INPP5F: variants seen among roughly 807,000 people sequenced by gnomAD.
INPP5F encodes inositol polyphosphate-5-phosphatase F, also known as phosphatidylinositide 4-phosphatase SAC2.
In INPP5F, 97 loss-of-function variants were observed where a neutral mutation model predicts 137.2. The observed-to-expected ratio is 0.71, with a 90% confidence interval of 0.60 to 0.84. INPP5F has a LOEUF of 0.84. INPP5F is among the 40% of genes least tolerant of loss of function. The pLI is 0.00. For missense variants in INPP5F, 1,271 were observed against 1,371.9 expected, an observed-to-expected ratio of 0.93 and a Z score of 1.16; for synonymous variants, 504 against 476.9, an observed-to-expected ratio of 1.06 and a Z score of -0.74.
At chr10:119,745,280 C>T (rs1360157572) in intron 1 of INPP5F, among the ~76,000 whole-genome samples, 1 of 151,958 alleles carries the variant, frequency 6.6e-6, no homozygotes, top group Non-Finnish European at 1.5e-5. Context: ...GATTCTTCAC[C>T]CACTACCAGC....
intron 13 of INPP5F, among the ~76,000 whole-genome samples, chr10:119,809,486 C>T (rs1589741380): frequency 6.6e-6 from 1 of 152,280 alleles, no homozygotes; most frequent in Admixed American, 6.5e-5. Flanking sequence ...AAAGAGACTA[C>T]ACCTTCCTTG....
chr10:119,761,157 T>C (rs1430021547), intron 2 of INPP5F, among the ~76,000 whole-genome samples: 2 of 152,226 alleles, frequency 1.3e-5, no homozygotes, highest in Non-Finnish European at 2.9e-5. Context: ...AACTACAGTC[T>C]TAAGCTTTAC....
rs373750639 is a variant in INPP5F at position 119,808,730 on chromosome 10, C to T, written c.1569+670C>T. 2.9e-4 allele frequency among the ~76,000 whole-genome samples: 44 copies of T among 152,170 alleles called. No homozygotes were observed. In the East Asian group the frequency reaches 4.1e-3, roughly 14 times the overall value. ...GTAAATAAATTACTCAGTCTGAGGG[C>T]GTTGTCCTCTGTGGCAGTAGGAAGT... On this transcript the variant is annotated intron_variant, in intron 13 of 19. Transcript: ENST00000650623.
intron 1 of INPP5F, among the ~76,000 whole-genome samples, chr10:119,746,222 C>CT (rs1199382368): frequency 6.6e-6 from 1 of 152,172 alleles, no homozygotes; most frequent in Non-Finnish European, 1.5e-5. Flanking sequence ...AAATCTTGTA[C>CT]TTTTTTGTCT....
At chr10:119,751,255 T>G (rs1848682578) in intron 2 of INPP5F, 99 bp downstream of exon 2, 1 of 785,306 alleles carries the variant, frequency 1.3e-6, no homozygotes, top group Non-Finnish European at 2.2e-6. Flanking sequence ...TAGCTTTGAT[T>G]CCTTTGTTTT....
In INPP5F at chr10:119,806,379, A is replaced by G. The variant is rs1850786908; in HGVS notation, c.1339A>G (p.Ile447Val). 4.4e-6 allele frequency: 7 copies of G among 1,583,334 alleles called. No homozygotes were observed. Among genetic ancestry groups the G allele is most frequent in the Non-Finnish European group, 6.0e-6 (7 of 1,162,520 alleles). ...KWCWVDEAGV[I>V]CKQEGIFRVN... is the part of the protein sequence containing the mutation. ...AAAAAGGGTTGATGAAGCTGGGGTAATATGTAAGCAGGAAGGGATTTTTCG... is the reference window on the plus strand; with the variant it reads ...AAAAAGGGTTGATGAAGCTGGGGTAGTATGTAAGCAGGAAGGGATTTTTCG... The change falls in exon 12 of 20, where the codon ATA becomes GTA. Residue 447 changes from isoleucine to valine, a missense_variant. By Grantham distance (29) the Ile-to-Val change is conservative. This residue lies in a region of INPP5F where 593 missense variants were observed against 712.4 expected (regional missense o/e 0.83). Coordinates refer to ENST00000650623, the MANE Select transcript of INPP5F (RefSeq NM_014937.4).
chr10:119,728,256 T>G (rs1005610998), intron 1 of INPP5F, among the ~76,000 whole-genome samples: 12 of 152,230 alleles, frequency 7.9e-5, no homozygotes, highest in African/African-American at 2.9e-4. Flanking sequence ...TAACAGCCAG[T>G]TTTGATCTTA....
chr10:119,784,153 C>T (rs1849799016), intron 3 of INPP5F, among the ~76,000 whole-genome samples: 1 of 152,128 alleles, frequency 6.6e-6, no homozygotes, highest in South Asian at 2.1e-4. Context: ...TTTCAATTTC[C>T]ATATAACTCA....
chr10:119,730,166 A>G (rs1026835311), intron 1 of INPP5F, among the ~76,000 whole-genome samples: 11 of 151,490 alleles, frequency 7.3e-5, no homozygotes, highest in Non-Finnish European at 1.2e-4. Context: ...CTGGAGTGCA[A>G]TGGTGCGATC....
At chr10:119,758,437 C>T (rs979380414) in intron 2 of INPP5F, among the ~76,000 whole-genome samples, 2 of 152,150 alleles carry the variant, frequency 1.3e-5, no homozygotes, top group Admixed American at 6.5e-5. Context: ...TTCTTCTCTT[C>T]ATTTTCTGTG....
At chr10:119,807,701 TA>T (rs1850850909) in intron 12 of INPP5F, among the ~76,000 whole-genome samples, 1 of 152,212 alleles carries the variant, frequency 6.6e-6, no homozygotes, top group Non-Finnish European at 1.5e-5. Flanking sequence ...TCCTGCACAT[TA>T]AAAATTGTAC....
chr10:119,794,440 C>A (rs1850254167), intron 6 of INPP5F, among the ~76,000 whole-genome samples: 1 of 152,112 alleles, frequency 6.6e-6, no homozygotes, highest in Admixed American at 6.5e-5. Flanking sequence ...GACACGGCAA[C>A]CATCCGATTT....
rs1012146203 is a variant in INPP5F, at chr10:119,828,489, A to C, written c.*709A>C. 1.3e-5 allele frequency: 2 copies of C among 152,184 alleles called. No homozygotes were observed. Among genetic ancestry groups the C allele is most frequent in the Non-Finnish European group, 2.9e-5 (2 of 68,042 alleles). The allele number at this position is 152,184 out of a possible 1,614,324, so 9.4% of individuals were successfully genotyped here. On this transcript the variant is annotated 3_prime_UTR_variant, in exon 20 of 20. Coordinates refer to ENST00000650623, the MANE Select transcript of INPP5F (RefSeq NM_014937.4). ...AGGTTTCATTTTGCTGTTTTCAGGAATGTAAGAACACCCATATTGGCTACT... is the reference window on the plus strand; with the variant it reads ...AGGTTTCATTTTGCTGTTTTCAGGACTGTAAGAACACCCATATTGGCTACT...
At chr10:119,820,791 C>A in intron 15 of INPP5F, 55 bp from the exon 16 acceptor site, 1 of 1,431,774 alleles carries the variant, frequency 7.0e-7, no homozygotes, top group Non-Finnish European at 9.9e-7. Context: ...ATATGCTTGG[C>A]AAAAAATGCA....
At chr10:119,810,676 A>G (rs1327088946) in intron 14 of INPP5F, among the ~76,000 whole-genome samples, 1 of 152,236 alleles carries the variant, frequency 6.6e-6, no homozygotes, top group East Asian at 1.9e-4. Context: ...TTAGGGTACC[A>G]GATTTAGAGA....
intron 2 of INPP5F, among the ~76,000 whole-genome samples, chr10:119,780,887 T>C (rs2134177636): frequency 6.6e-6 from 1 of 152,332 alleles, no homozygotes; most frequent in South Asian, 2.1e-4. Context: ...TACACCATTT[T>C]ACATGAGAGA....
intron 9 of INPP5F, 47 bp downstream of exon 9, chr10:119,798,657 T>A: frequency 7.6e-7 from 1 of 1,322,314 alleles, no homozygotes; most frequent in Non-Finnish European, 1.1e-6. Flanking sequence ...TCTTTAGAAA[T>A]AACTTTTTCT....
In INPP5F at chr10:119,827,927, G is replaced by A. The variant is rs1851839873; in HGVS notation, c.*147G>A. ...TTTAAACGGAGTCGGAACCTGAGTA[G>A]ATTTCCAAATTTTACAGCCAGGACT... On this transcript the variant is annotated 3_prime_UTR_variant, in exon 20 of 20. Coordinates refer to ENST00000650623, the MANE Select transcript of INPP5F (RefSeq NM_014937.4). The A allele has an allele frequency of 1.5e-6, 1 of 650,268 alleles. No individual in the cohort carries two copies. Among genetic ancestry groups the A allele is most frequent in the African/African-American group, 1.8e-5 (1 of 54,740 alleles). 40.3% of individuals were successfully genotyped at this position (650,268 alleles called of 1,614,324 possible). A position where few individuals can be genotyped will look rare whatever the true frequency, so the allele number is the denominator to read the frequency against.
At chr10:119,759,791 A>G (rs968604257) in intron 2 of INPP5F, among the ~76,000 whole-genome samples, 3 of 152,136 alleles carry the variant, frequency 2.0e-5, no homozygotes, top group Admixed American at 6.5e-5. Flanking sequence ...AGAGGATTAC[A>G]TTCTCCGGTA....
Sources: allele counts gnomAD v4.1 joint callset (sites outside exome capture counted in the v4.1 genomes callset), GRCh38; gene constraint gnomAD v4.1.1; regional missense constraint gnomAD v4.1.1; transcripts MANE v1.5; gene names NCBI Gene and HGNC (gene_info 2026-07-23, HGNC 2026-07-21).